Variants in MRTO4 observed in about 807,000 individuals in gnomAD.
MRTO4 encodes the protein mRNA turnover protein 4 homolog.
MRTO4 carries 7 observed loss-of-function variants against 28.6 expected under a neutral mutation model. The observed-to-expected ratio is 0.24, with a 90% CI of 0.14 to 0.46. MRTO4 has a LOEUF of 0.46. Among genes scored for constraint, MRTO4 ranks in the 20% least tolerant of loss-of-function variants. The pLI, the probability that MRTO4 is intolerant of heterozygous loss-of-function variation, is 0.99. For synonymous variants in MRTO4, 113 were observed against 108.2 expected (o/e 1.04, Z -0.27); for missense variants, 302 against 298.3 (o/e 1.01, Z -0.09).
At chr1:19,252,574 C>T (rs1385879065) in intron 1 of MRTO4, among the ~76,000 whole-genome samples, 1 of 152,168 alleles carries the variant, frequency 6.6e-6, no homozygotes, top group Non-Finnish European at 1.5e-5. Context: ...TGGCAGGTGC[C>T]TGTAATCCCA....
intron 3 of MRTO4, among the ~76,000 whole-genome samples, 167 bp downstream of exon 3, chr1:19,256,218 G>A: frequency 6.6e-6 from 1 of 152,130 alleles, no homozygotes; most frequent in Non-Finnish European, 1.5e-5. Flanking sequence ...CCTTTTCACT[G>A]TTAAAGCTGG....
At chr1:19,254,894 T>TATAGGACTGTTGGCCAGGG (rs935398619) in intron 2 of MRTO4, 54 bp downstream of exon 2, 14 of 1,476,096 alleles carry the variant, frequency 9.5e-6, no homozygotes, top group Non-Finnish European at 1.2e-5. Flanking sequence ...TAAAGGTAGG[T>TATAGGACTGTTGGCCAGGG]ATAGGACTGT....
In MRTO4 at chr1:19,251,880, T is replaced by A. The variant is rs9804127; in HGVS notation, c.28+17T>A. ...ACAAGAAAGGTGGGCGAAGGGGGAG[T>A]CGGGACCCTGGGGGGAGCTCCGTGG... On this transcript the variant is annotated intron_variant, in intron 1 of 7. Coordinates refer to ENST00000330263, the MANE Select transcript of MRTO4 (RefSeq NM_016183.4). 2.3e-3 allele frequency: 3,695 copies of A among 1,589,480 alleles called. 86 individuals carry two copies. In the African/African-American group the frequency reaches 0.042, roughly 18 times the overall value.
At chr1:19,254,973 C>A in intron 2 of MRTO4, 133 bp downstream of exon 2, 1 of 710,846 alleles carries the variant, frequency 1.4e-6, no homozygotes, top group Non-Finnish European at 2.2e-6. Context: ...TCCAAGCTGC[C>A]AATCCAGGCC....
In MRTO4 at chr1:19,251,818, G is replaced by C. The variant is rs527500412; in HGVS notation, c.-18G>C. The stretch of plus-strand genomic sequence containing the variant: ...CTAACGGGGTGCACCGTCTTCCGCC[G>C]CACGTGGATTCAGCGCGATGCCCAA... On this transcript the variant is annotated 5_prime_UTR_variant, in exon 1 of 8. Transcript: ENST00000330263. 1.3e-5 allele frequency: 21 copies of C among 1,569,860 alleles called. No homozygotes were observed. In the Admixed American group the frequency reaches 2.8e-4, roughly 21 times the overall value.
Position 19,258,935 on chromosome 1 carries a change from C to A in MRTO4, c.*105C>A. The A allele has an allele frequency of 7.4e-7, 1 of 1,346,384 alleles. No individual in the cohort carries two copies. The highest frequency in any genetic ancestry group is 9.9e-7 in the Non-Finnish European group (1 of 1,006,044). The allele number at this position is 1,346,384 out of a possible 1,614,324, so 83.4% of individuals were successfully genotyped here. A position where few individuals can be genotyped will look rare whatever the true frequency, so the allele number is the denominator to read the frequency against. ...GAGCAGCTTTTTATTTGTCTGTAGA[C>A]AGGGAACATGATGGGCACTGACCTC... is the stretch of plus-strand genomic sequence containing the variant. On this transcript the variant is annotated 3_prime_UTR_variant, in exon 8 of 8. Coordinates refer to ENST00000330263, the MANE Select transcript of MRTO4 (RefSeq NM_016183.4).
chr1:19,254,886 A>C (rs770656202), intron 2 of MRTO4, 46 bp downstream of exon 2: 8 of 1,543,290 alleles, frequency 5.2e-6, no homozygotes, highest in Non-Finnish European at 7.1e-6. Flanking sequence ...TTGGTTTATA[A>C]AGGTAGGTAT....
chr1:19,251,872 AG>A lies in MRTO4; in HGVS notation c.28+14del. The A allele has an allele frequency of 6.3e-7, 1 of 1,591,794 alleles. No homozygotes were observed. Among genetic ancestry groups the A allele is most frequent in the Non-Finnish European group, 8.5e-7 (1 of 1,169,834 alleles). On this transcript the variant is annotated intron_variant, in intron 1 of 7. Coordinates refer to ENST00000330263, the MANE Select transcript of MRTO4 (RefSeq NM_016183.4). ...CAAGCGCGACAAGAAAGGTGGGCGA[AG>A]GGGGAGTCGGGACCCTGGGGGGAGC...
At position 19,251,810 on chromosome 1, in the gene MRTO4, C is replaced by T. The variant is rs1349897674; in HGVS notation, c.-26C>T. ...CCGGGGTCCTAACGGGGTGCACCGT[C>T]TTCCGCCGCACGTGGATTCAGCGCG... On this transcript the variant is annotated 5_prime_UTR_variant, in exon 1 of 8. Coordinates refer to ENST00000330263, the MANE Select transcript of MRTO4 (RefSeq NM_016183.4). The T allele has an allele frequency of 1.3e-5, 20 of 1,564,676 alleles. No individual in the cohort carries two copies. Among genetic ancestry groups the T allele is most frequent in the East Asian group, 4.8e-5 (2 of 41,622 alleles).
In MRTO4 at chr1:19,257,964, T is replaced by G. The variant is rs1252707109; in HGVS notation, c.473T>G (p.Leu158Arg). The G allele has an allele frequency of 6.2e-7, 1 of 1,613,840 alleles. No individual in the cohort carries two copies. Among genetic ancestry groups the G allele is most frequent in the Non-Finnish European group, 8.5e-7 (1 of 1,180,028 alleles). The part of the protein sequence containing the change: ...SMEPQLRQLG[L>R]PTALKRGVVT... ...GAGCCACAGCTCAGGCAGCTGGGCCTGCCCACCGCCCTCAAGAGAGGTATG... is the reference window on the plus strand; with the variant it reads ...GAGCCACAGCTCAGGCAGCTGGGCCGGCCCACCGCCCTCAAGAGAGGTATG... The change falls in exon 6 of 8, where the codon CTG (leucine) becomes CGG (arginine). Residue 158 changes from leucine to arginine, a missense_variant. By Grantham distance (102) the Leu-to-Arg change is moderately radical. Transcript: ENST00000330263.
Position 19,257,111 on chromosome 1 carries a change from G to C in MRTO4, c.239G>C (p.Ser80Thr). Residue 80 changes from serine (S) to threonine (T), a missense_variant, in exon 4 of 8, where the codon AGC becomes ACC. Ser to Thr is a moderately conservative substitution (Grantham distance 58). Coordinates refer to ENST00000330263, the MANE Select transcript of MRTO4 (RefSeq NM_016183.4). ...NKVMMVALGR[S>T]PSDEYKDNLH... Reference sequence around the variant, plus strand: ...GTGATGATGGTGGCCTTGGGTCGGAGCCCATCTGATGAATACAAAGACAAC... The same window carrying C: ...GTGATGATGGTGGCCTTGGGTCGGACCCCATCTGATGAATACAAAGACAAC... The C allele has an allele frequency of 6.2e-7, 1 of 1,614,134 alleles. No homozygotes were observed.
rs367780571 is a variant in MRTO4 at position 19,251,809 on chromosome 1, T to C, written c.-27T>C. On this transcript the variant is annotated 5_prime_UTR_variant, in exon 1 of 8. Coordinates refer to ENST00000330263, the MANE Select transcript of MRTO4 (RefSeq NM_016183.4). ...GCCGGGGTCCTAACGGGGTGCACCG[T>C]CTTCCGCCGCACGTGGATTCAGCGC... The C allele has an allele frequency of 1.3e-6, 2 of 1,564,212 alleles. No homozygotes were observed. Among genetic ancestry groups the C allele is most frequent in the Non-Finnish European group, 1.7e-6 (2 of 1,155,470 alleles).
chr1:19,257,354 C>A, intron 4 of MRTO4, 100 bp from the exon 5 acceptor site: 1 of 1,407,886 alleles, frequency 7.1e-7, no homozygotes, highest in Non-Finnish European at 1.0e-6. Flanking sequence ...CAACCAAAAA[C>A]GTCTTTAAAT....
chr1:19,252,110 A>T, intron 1 of MRTO4: 1 of 560,668 alleles, frequency 1.8e-6, no homozygotes, highest in Admixed American at 3.5e-5. Context: ...TTGCAAGGCC[A>T]ACTGGGTCGG....
At chr1:19,258,026 C>G (rs1483737698) in intron 6 of MRTO4, 42 bp downstream of exon 6, 1 of 1,599,478 alleles carries the variant, frequency 6.3e-7, no homozygotes, top group Non-Finnish European at 8.5e-7. Flanking sequence ...GCCTAGAGTC[C>G]AAGAGCACGG....
intron 1 of MRTO4, among the ~76,000 whole-genome samples, chr1:19,253,165 T>C: frequency 6.6e-6 from 1 of 152,166 alleles, no homozygotes. Context: ...GAAGAGATGT[T>C]GATATTTTGT....
rs759196146 is a variant in MRTO4, at chr1:19,251,807, C to G, written c.-29C>G. The G allele has an allele frequency of 1.5e-5, 24 of 1,562,714 alleles. No individual in the cohort carries two copies. Among genetic ancestry groups the G allele is most frequent in the Non-Finnish European group, 9.5e-6 (11 of 1,154,682 alleles). The stretch of plus-strand genomic sequence containing the variant: ...CCGCCGGGGTCCTAACGGGGTGCAC[C>G]GTCTTCCGCCGCACGTGGATTCAGC... On this transcript the variant is annotated 5_prime_UTR_variant, in exon 1 of 8. Transcript: ENST00000330263.
rs1440235670 is a variant in MRTO4, at chr1:19,259,038, A to C, written c.*208A>C. The stretch of plus-strand genomic sequence containing the variant: ...AGCACTTTGGGAAGCCGAGGTGGGC[A>C]GATCATAAGGTCGGGAGATTAAGAC... On this transcript the variant is annotated 3_prime_UTR_variant, in exon 8 of 8. Transcript: ENST00000330263. 3.5e-6 allele frequency: 2 copies of C among 578,052 alleles called. No homozygotes were observed. Among genetic ancestry groups the C allele is most frequent in the African/African-American group, 3.7e-5 (2 of 53,476 alleles). The allele number at this position is 578,052 out of a possible 1,614,324, so 35.8% of individuals were successfully genotyped here. A position where few individuals can be genotyped will look rare whatever the true frequency, so the allele number is the denominator to read the frequency against.
rs772304786 is a variant in MRTO4, at chr1:19,259,390, G to C, written c.*560G>C. The stretch of plus-strand genomic sequence containing the variant: ...AGCCCAGAAGTTTGAAACCAGCCTG[G>C]GCAATTCAGCAAGATCCCGTCTCTA... On this transcript the variant is annotated 3_prime_UTR_variant, in exon 8 of 8. Transcript: ENST00000330263. 3.9e-5 allele frequency: 6 copies of C among 152,192 alleles called. No homozygotes were observed. The highest frequency in any genetic ancestry group is 7.3e-5 in the Non-Finnish European group (5 of 68,110). The allele number at this position is 152,192 out of a possible 1,614,324, so 9.4% of individuals were successfully genotyped here.
Sources: allele counts gnomAD v4.1 joint callset (sites outside exome capture counted in the v4.1 genomes callset), GRCh38; gene constraint gnomAD v4.1.1; transcripts MANE v1.5; gene names NCBI Gene and HGNC (gene_info 2026-07-23, HGNC 2026-07-21).